Variants in RBFOX1 observed in about 807,000 individuals in gnomAD.
The protein encoded by RBFOX1 is RNA binding fox-1 homolog 1, also known as RNA binding protein fox-1 homolog 1.
A neutral mutation model predicts 57.7 loss-of-function variants in RBFOX1; 8 were observed. The ratio of observed to expected loss-of-function variants is 0.14; its 90% confidence interval spans 0.08 to 0.25. The LOEUF (loss-of-function observed/expected upper bound fraction) is 0.25. Among genes scored for constraint, RBFOX1 ranks in the 10% least tolerant of loss-of-function variants. The pLI, the probability that RBFOX1 is intolerant of heterozygous loss-of-function variation, is 1.00. For synonymous variants in RBFOX1, 326 were observed against 222.4 expected, an observed-to-expected ratio of 1.47 and a Z score of -4.15; for missense variants, 611 against 548.5, an observed-to-expected ratio of 1.11 and a Z score of -1.14.
intron 3 of RBFOX1, among the ~76,000 whole-genome samples, chr16:7,039,888 C>G (rs1243700327): frequency 6.6e-6 from 1 of 151,818 alleles, no homozygotes; most frequent in African/African-American, 2.4e-5. Flanking sequence ...CTTTTACTTT[C>G]CTACTGAAGA....
intron 3 of RBFOX1, among the ~76,000 whole-genome samples, chr16:5,739,946 A>G (rs2052716573): frequency 6.6e-6 from 1 of 152,208 alleles, no homozygotes; most frequent in Non-Finnish European, 1.5e-5. Flanking sequence ...GAGACAGAGG[A>G]GGTGGGGTGA....
intron 4 of RBFOX1, among the ~76,000 whole-genome samples, chr16:7,264,436 G>T (rs1451081478): frequency 6.6e-6 from 1 of 152,188 alleles, no homozygotes; most frequent in Non-Finnish European, 1.5e-5. Flanking sequence ...GTAGTCCAGT[G>T]TCTTGCTCAA....
In RBFOX1 at chr16:6,767,035, C is replaced by T. The variant is rs7498889; in HGVS notation, c.-16+112385C>T. Among the ~76,000 whole-genome samples, 1,436 of 152,206 alleles carry T rather than the reference C, an allele frequency of 9.4e-3. 19 individuals are homozygous for T. Among genetic ancestry groups the T allele is most frequent in the African/African-American group, 0.033 (1,361 of 41,518 alleles). On this transcript the variant is annotated intron_variant, in intron 3 of 15. Transcript: ENST00000550418. ...TTTCTGGTCATGGCGAGGTCTTTTT[C>T]ACAAAATAATCATTGTTTTCATCTA...
intron 2 of RBFOX1, among the ~76,000 whole-genome samples, chr16:6,502,119 A>T (rs1483932166): frequency 6.6e-6 from 1 of 152,202 alleles, no homozygotes. Flanking sequence ...ACTGGAACCA[A>T]AAAATTCCTT....
intron 1 of RBFOX1, among the ~76,000 whole-genome samples, chr16:6,159,051 G>A (rs937493809): frequency 1.3e-5 from 2 of 151,620 alleles, no homozygotes; most frequent in African/African-American, 2.4e-5. Context: ...TATAGGCACC[G>A]ACCACCATGC....
intron 1 of RBFOX1, among the ~76,000 whole-genome samples, chr16:6,118,309 A>G (rs949985114): frequency 6.6e-6 from 1 of 152,146 alleles, no homozygotes; most frequent in Non-Finnish European, 1.5e-5. Context: ...TCAGGCTCCT[A>G]TTATGCTATT....
intron 1 of RBFOX1, among the ~76,000 whole-genome samples, chr16:6,235,720 G>C (rs761568615): frequency 9.9e-5 from 15 of 152,060 alleles, no homozygotes; most frequent in Admixed American, 2.6e-4. Context: ...ATCTGAATGA[G>C]ATTGGAGACT....
intron 4 of RBFOX1, among the ~76,000 whole-genome samples, chr16:7,280,158 C>T (rs374478677): frequency 2.0e-5 from 3 of 152,178 alleles, no homozygotes; most frequent in East Asian, 1.9e-4. Context: ...TCTTTGCAAA[C>T]GCAAAGGAAA....
At chr16:6,609,433 T>C (rs1350927182) in intron 2 of RBFOX1, among the ~76,000 whole-genome samples, 2 of 152,116 alleles carry the variant, frequency 1.3e-5, no homozygotes, top group Non-Finnish European at 2.9e-5. Flanking sequence ...CAATCTCCTC[T>C]GCCTCCCAGG....
chr16:5,543,702 A>T (rs755689110), intron 2 of RBFOX1, among the ~76,000 whole-genome samples: 34 of 152,274 alleles, frequency 2.2e-4, no homozygotes, highest in African/African-American at 8.2e-4. Context: ...GAACACACAG[A>T]AGAGACACGA....
intron 4 of RBFOX1, among the ~76,000 whole-genome samples, chr16:7,114,779 T>C (rs771266520): frequency 2.0e-5 from 3 of 152,218 alleles, no homozygotes; most frequent in Non-Finnish European, 2.9e-5. Flanking sequence ...TGCTTCTCTG[T>C]CTTGCTAACT....
intron 1 of RBFOX1, among the ~76,000 whole-genome samples, chr16:5,327,317 C>A (rs984676009): frequency 1.3e-5 from 2 of 152,152 alleles, no homozygotes; most frequent in African/African-American, 2.4e-5. Flanking sequence ...TGGAGAGAAG[C>A]CTTGGGGAAT....
intron 14 of RBFOX1, among the ~76,000 whole-genome samples, chr16:7,677,808 T>G (rs1254178697): frequency 3.9e-5 from 6 of 152,156 alleles, no homozygotes; most frequent in Non-Finnish European, 8.8e-5. Flanking sequence ...GGCTGGGGCA[T>G]GCTGGGTCAG....
intron 1 of RBFOX1, among the ~76,000 whole-genome samples, chr16:5,431,522 C>T (rs1031217714): frequency 2.6e-4 from 39 of 152,076 alleles, no homozygotes; most frequent in African/African-American, 9.4e-4. Flanking sequence ...TTACAGGCAC[C>T]CACCACCATG....
chr16:5,563,022 T>C (rs950986492), intron 2 of RBFOX1, among the ~76,000 whole-genome samples: 1 of 152,184 alleles, frequency 6.6e-6, no homozygotes, highest in African/African-American at 2.4e-5. Flanking sequence ...TAATCTTGGC[T>C]CACTGCAACC....
intron 1 of RBFOX1, among the ~76,000 whole-genome samples, chr16:6,078,909 A>C (rs903425873): frequency 1.3e-5 from 2 of 152,326 alleles, no homozygotes; most frequent in South Asian, 4.1e-4. Flanking sequence ...AATGTGGTAA[A>C]AATGTCATCT....
At chr16:7,176,982 A>G (rs902240918) in intron 4 of RBFOX1, among the ~76,000 whole-genome samples, 1 of 152,192 alleles carries the variant, frequency 6.6e-6, no homozygotes, top group Admixed American at 6.5e-5. Context: ...GTAGTTTTCA[A>G]TAGAAAAATA....
intron 4 of RBFOX1, among the ~76,000 whole-genome samples, chr16:7,226,781 C>T (rs1051138944): frequency 3.3e-5 from 5 of 152,296 alleles, no homozygotes; most frequent in African/African-American, 7.2e-5. Context: ...ATTCATACTC[C>T]TGTATATTCC....
chr16:6,317,357 T>C (rs1420030), intron 2 of RBFOX1, among the ~76,000 whole-genome samples: 79,482 of 151,670 alleles, frequency 0.52, 21,603 homozygotes, highest in Middle Eastern at 0.68. Flanking sequence ...TCTTTTTTTC[T>C]CCCCCTAAGG....
Sources: gnomAD v4.1 joint callset for allele counts (sites outside exome capture counted in the v4.1 genomes callset) on GRCh38, gnomAD v4.1.1 for gene constraint, MANE v1.5 for transcripts, NCBI Gene and HGNC (gene_info 2026-07-23, HGNC 2026-07-21) for gene names.